BMPR1B: variants seen among roughly 807,000 people sequenced by gnomAD.
BMPR1B encodes bone morphogenetic protein receptor type 1B, also known as bone morphogenetic protein receptor type-1B.
In BMPR1B, 12 loss-of-function variants were observed where a neutral mutation model predicts 59.1. The observed-to-expected ratio is 0.20, with a 90% CI of 0.13 to 0.33. The LOEUF (loss-of-function observed/expected upper bound fraction) is 0.33. BMPR1B is among the 10% of genes least tolerant of loss of function. The pLI, the probability that BMPR1B is intolerant of heterozygous loss-of-function variation, is 1.00. For missense variants in BMPR1B, 550 were observed against 610.9 expected, an observed-to-expected ratio of 0.90 and a Z score of 1.05; for synonymous variants, 237 against 207.3, an observed-to-expected ratio of 1.14 and a Z score of -1.23.
chr4:94,890,576 G>A (rs76848981), intron 2 of BMPR1B, among the ~76,000 whole-genome samples: 17,001 of 152,086 alleles, frequency 0.11, 1,003 homozygotes, highest in Non-Finnish European at 0.14. Context: ...CTGCCGTAAC[G>A]AAATACTTTA....
chr4:95,139,714 G>A (rs1008492868), intron 10 of BMPR1B, among the ~76,000 whole-genome samples: 8 of 151,370 alleles, frequency 5.3e-5, no homozygotes, highest in East Asian at 3.9e-4. Flanking sequence ...CCTCCGAGCC[G>A]GGCGTGGGAC....
intron 3 of BMPR1B, among the ~76,000 whole-genome samples, chr4:95,049,462 T>TGG: frequency 1.1e-5 from 1 of 90,942 alleles, no homozygotes; most frequent in African/African-American, 3.9e-5. Flanking sequence ...TTTTTTTTTT[T>TGG]TTTTTTTTGC....
intron 1 of BMPR1B, among the ~76,000 whole-genome samples, chr4:94,803,719 A>G (rs997951685): frequency 2.0e-5 from 3 of 151,910 alleles, no homozygotes; most frequent in Non-Finnish European, 4.4e-5. Flanking sequence ...GCAGTATCTT[A>G]TTTTCCGAAT....
intron 3 of BMPR1B, among the ~76,000 whole-genome samples, chr4:95,016,471 A>G (rs984514051): frequency 5.3e-5 from 8 of 152,242 alleles, no homozygotes; most frequent in African/African-American, 1.9e-4. Context: ...CTATGTTGCA[A>G]CTAAACTTTT....
chr4:94,857,674 T>A (rs1348865478), intron 1 of BMPR1B, among the ~76,000 whole-genome samples: 2 of 152,210 alleles, frequency 1.3e-5, no homozygotes, highest in African/African-American at 2.4e-5. Flanking sequence ...TATGACTTAC[T>A]TCCCAGGTCA....
intron 3 of BMPR1B, among the ~76,000 whole-genome samples, chr4:95,053,077 G>A (rs1482052653): frequency 1.3e-5 from 2 of 152,080 alleles, no homozygotes; most frequent in Admixed American, 1.3e-4. Flanking sequence ...CCAATAAAAA[G>A]CAAAGAGGCC....
At chr4:94,922,580 A>G (rs1393876967) in intron 2 of BMPR1B, among the ~76,000 whole-genome samples, 1 of 152,140 alleles carries the variant, frequency 6.6e-6, no homozygotes, top group Admixed American at 6.6e-5. Flanking sequence ...AGCATGCGGG[A>G]ACCTTTGATG....
At chr4:94,909,096 G>C (rs535131881) in intron 2 of BMPR1B, among the ~76,000 whole-genome samples, 1 of 151,934 alleles carries the variant, frequency 6.6e-6, no homozygotes, top group Non-Finnish European at 1.5e-5. Flanking sequence ...TCCAGTCTCT[G>C]CTTTCACATG....
At chr4:94,820,921 T>G (rs1206963557) in intron 1 of BMPR1B, among the ~76,000 whole-genome samples, 3 of 152,228 alleles carry the variant, frequency 2.0e-5, no homozygotes, top group Non-Finnish European at 4.4e-5. Context: ...GAATAATGGA[T>G]TCTAAGAGAG....
intron 1 of BMPR1B, among the ~76,000 whole-genome samples, chr4:94,856,852 G>A (rs1294850892): frequency 6.6e-6 from 1 of 152,180 alleles, no homozygotes; most frequent in Non-Finnish European, 1.5e-5. Context: ...TGAAATATTT[G>A]TAATGACTAG....
chr4:94,771,521 A>T (rs1722185562), intron 1 of BMPR1B, among the ~76,000 whole-genome samples: 1 of 152,206 alleles, frequency 6.6e-6, no homozygotes, highest in African/African-American at 2.4e-5. Context: ...ATAATTAAAG[A>T]GCCTTCGAGA....
At chr4:94,803,893 T>A (rs1000521704) in intron 1 of BMPR1B, among the ~76,000 whole-genome samples, 13 of 152,180 alleles carry the variant, frequency 8.5e-5, no homozygotes, top group African/African-American at 3.1e-4. Context: ...TTATTTATTT[T>A]TTTGAGATAG....
intron 1 of BMPR1B, among the ~76,000 whole-genome samples, chr4:94,792,794 T>C (rs936508830): frequency 1.3e-5 from 2 of 152,172 alleles, no homozygotes; most frequent in Non-Finnish European, 2.9e-5. Context: ...GAATTAATTA[T>C]GGAGAAAATA....
At chr4:95,098,237 A>G (rs1428170048) in intron 3 of BMPR1B, among the ~76,000 whole-genome samples, 2 of 151,942 alleles carry the variant, frequency 1.3e-5, no homozygotes, top group African/African-American at 2.4e-5. Context: ...CTTTTCTTCT[A>G]TTTATTATTT....
intron 1 of BMPR1B, among the ~76,000 whole-genome samples, chr4:94,873,633 C>A (rs771104791): frequency 7.9e-5 from 12 of 152,144 alleles, no homozygotes; most frequent in Non-Finnish European, 1.5e-4. Context: ...TGGTCTCGAT[C>A]TCCTGACCTT....
intron 3 of BMPR1B, among the ~76,000 whole-genome samples, chr4:95,099,525 G>T (rs957773236): frequency 3.9e-5 from 6 of 152,138 alleles, no homozygotes; most frequent in African/African-American, 1.4e-4. Context: ...TCTAAAAGAT[G>T]CAGGATTTTC....
chr4:95,105,053 G>A (rs769202048), intron 4 of BMPR1B, among the ~76,000 whole-genome samples: 20 of 152,096 alleles, frequency 1.3e-4, no homozygotes, highest in Non-Finnish European at 2.4e-4. Flanking sequence ...TCCCCAAGTT[G>A]CTAAGAAAGA....
intron 3 of BMPR1B, among the ~76,000 whole-genome samples, chr4:95,071,238 T>G (rs1325034925): frequency 1.3e-5 from 2 of 152,188 alleles, no homozygotes; most frequent in Non-Finnish European, 1.5e-5. Context: ...GTCTTCAATT[T>G]AGAAATTTAT....
At chr4:94,978,799 AC>A (rs1281584758) in intron 2 of BMPR1B, among the ~76,000 whole-genome samples, 1 of 152,062 alleles carries the variant, frequency 6.6e-6, no homozygotes, top group Non-Finnish European at 1.5e-5. Flanking sequence ...ATAAAGACAT[AC>A]CTGAGACTGG....
Sources: gnomAD v4.1 joint callset for allele counts (sites outside exome capture counted in the v4.1 genomes callset) on GRCh38, gnomAD v4.1.1 for gene constraint, MANE v1.5 for transcripts, NCBI Gene and HGNC (gene_info 2026-07-23, HGNC 2026-07-21) for gene names.